The following FRMD5 variants were observed in gnomAD, a reference collection of about 807,000 sequenced individuals.
FRMD5 encodes the protein FERM domain-containing protein 5.
A neutral mutation model predicts 69.0 loss-of-function variants in FRMD5; 20 were observed. The observed-to-expected ratio is 0.29, with a 90% confidence interval of 0.20 to 0.42. FRMD5 has a LOEUF of 0.42. Among genes scored for constraint, FRMD5 ranks in the 10% least tolerant of loss-of-function variants. FRMD5 has a pLI of 1.00. For missense variants in FRMD5, 595 were observed against 708.6 expected, an observed-to-expected ratio of 0.84 and a Z score of 1.82; for synonymous variants, 271 against 260.1, an observed-to-expected ratio of 1.04 and a Z score of -0.40.
chr15:44,020,386 A>G (rs539829733), intron 1 of FRMD5, among the ~76,000 whole-genome samples: 1 of 152,302 alleles, frequency 6.6e-6, no homozygotes, highest in Non-Finnish European at 1.5e-5. Context: ...GAAGTTATAT[A>G]TCTTCATTTG....
intron 13 of FRMD5, chr15:43,879,783 A>G (rs2088472416): frequency 2.5e-6 from 1 of 397,670 alleles, no homozygotes; most frequent in Admixed American, 4.4e-5. Flanking sequence ...AACTAGGAAC[A>G]AAGGATTTCT....
intron 1 of FRMD5, among the ~76,000 whole-genome samples, chr15:43,940,187 C>A (rs1421384543): frequency 6.6e-6 from 1 of 152,108 alleles, no homozygotes; most frequent in African/African-American, 2.4e-5. Flanking sequence ...TCAAAACAAA[C>A]AACAACAACG....
chr15:44,054,341 G>C (rs1206329079), intron 1 of FRMD5, among the ~76,000 whole-genome samples: 1 of 152,138 alleles, frequency 6.6e-6, no homozygotes, highest in Non-Finnish European at 1.5e-5. Flanking sequence ...CCCTGCAATC[G>C]TCCGCTCTCC....
rs182312020 is a variant in FRMD5 at position 43,920,004 on chromosome 15, G to C, written c.208-195C>G. Among the ~76,000 whole-genome samples the C allele has an allele frequency of 2.3e-4, 35 of 152,342 alleles. No homozygotes were observed. In the East Asian group the frequency reaches 2.5e-3, roughly 11 times the overall value. On this transcript the variant is annotated intron_variant, in intron 2 of 13. Transcript: ENST00000417257. ...AGCTCCCATGGAGCCAGCTGTGAAG[G>C]GGGGAATAGTTCCAGCTTCAGATGC... is the stretch of plus-strand genomic sequence containing the variant.
chr15:43,986,443 C>G (rs184209998), intron 1 of FRMD5, among the ~76,000 whole-genome samples: 200 of 152,292 alleles, frequency 1.3e-3, no homozygotes, highest in African/African-American at 4.5e-3. Context: ...ACCAGAGGAA[C>G]TTAGTGAAGG....
chr15:44,165,453 C>G (rs1263487910), intron 1 of FRMD5, among the ~76,000 whole-genome samples: 1 of 152,002 alleles, frequency 6.6e-6, no homozygotes, highest in Non-Finnish European at 1.5e-5. Flanking sequence ...ATAAAATCAA[C>G]CCAAGTTGGG....
intron 1 of FRMD5, among the ~76,000 whole-genome samples, chr15:44,134,474 G>C (rs1331199681): frequency 6.6e-6 from 1 of 151,974 alleles, no homozygotes; most frequent in African/African-American, 2.4e-5. Flanking sequence ...TTTGAGACAG[G>C]GTCTCGCTCT....
chr15:44,048,218 C>G (rs1304304430), intron 1 of FRMD5, among the ~76,000 whole-genome samples: 1 of 152,184 alleles, frequency 6.6e-6, no homozygotes, highest in Non-Finnish European at 1.5e-5. Context: ...CACATCCTCA[C>G]AAGCAAGGCT....
rs1411945203 is a variant in FRMD5, at chr15:43,888,840, T to C, written c.761A>G (p.Lys254Arg). The C allele has an allele frequency of 6.2e-7, 1 of 1,613,944 alleles. No homozygotes were observed. The highest frequency in any genetic ancestry group is 8.5e-7 in the Non-Finnish European group (1 of 1,179,940). Residue 254 changes from lysine to arginine, a missense_variant, in exon 9 of 14, where the codon AAG (lysine) becomes AGG (arginine). This residue lies in a region of FRMD5 where 176 missense variants were observed against 266.3 expected (regional missense o/e 0.66). Transcript: ENST00000417257. Reference sequence around the variant, plus strand: ...CTGACTTACGTATAAATAGAAAGTCTTTCCTTCAAATTTCAGCTTGGTCAC... The same window carrying C: ...CTGACTTACGTATAAATAGAAAGTCCTTCCTTCAAATTTCAGCTTGGTCAC... ...NEVTKLKFEG[K>R]TFYLYVSQKE...
intron 1 of FRMD5, among the ~76,000 whole-genome samples, chr15:44,020,708 T>C (rs1190892716): frequency 6.6e-6 from 1 of 152,238 alleles, no homozygotes; most frequent in African/African-American, 2.4e-5. Flanking sequence ...GTAATAGCTA[T>C]AGAGAATGAA....
At chr15:43,929,045 G>A (rs1215583092) in intron 1 of FRMD5, among the ~76,000 whole-genome samples, 1 of 152,122 alleles carries the variant, frequency 6.6e-6, no homozygotes, top group Non-Finnish European at 1.5e-5. Flanking sequence ...GAAAATACTA[G>A]TGCATATAGG....
Position 43,871,115 on chromosome 15 carries a change from A to G in FRMD5, c.*2770T>C, listed in dbSNP as rs185425596. Reference sequence around the variant, plus strand: ...TTAGAACACAGTATAACCAGGTTAAAAACTTGAACAATTTTTAAAGGTGGA... The same window carrying G: ...TTAGAACACAGTATAACCAGGTTAAGAACTTGAACAATTTTTAAAGGTGGA... On this transcript the variant is annotated 3_prime_UTR_variant, in exon 14 of 14. Coordinates refer to ENST00000417257, the MANE Select transcript of FRMD5 (RefSeq NM_032892.5). The G allele has an allele frequency of 6.6e-6, 1 of 152,354 alleles. No individual in the cohort carries two copies. The highest frequency in any genetic ancestry group is 2.4e-5 in the African/African-American group (1 of 41,582). 9.4% of individuals were successfully genotyped at this position (152,354 alleles called of 1,614,324 possible).
chr15:43,934,270 T>C (rs2089723552), intron 1 of FRMD5, among the ~76,000 whole-genome samples: 1 of 152,004 alleles, frequency 6.6e-6, no homozygotes, highest in Non-Finnish European at 1.5e-5. Context: ...GCGATGGGAG[T>C]AAGAAAAGGC....
chr15:43,895,095 T>C (rs1375643833), intron 7 of FRMD5, among the ~76,000 whole-genome samples: 1 of 152,224 alleles, frequency 6.6e-6, no homozygotes, highest in South Asian at 2.1e-4. Context: ...GTGTTTGTTG[T>C]TAATATTATT....
Position 43,883,748 on chromosome 15 carries a change from C to T in FRMD5, c.1090G>A (p.Val364Ile), listed in dbSNP as rs371269803. 34 of 1,613,728 alleles carry T rather than the reference C, an allele frequency of 2.1e-5. No individual in the cohort carries two copies. The highest frequency in any genetic ancestry group is 1.5e-4 in the African/African-American group (11 of 74,906). ...SITHGPRLSS[V>I]PRTRRRAVHI... is the part of the protein sequence containing the mutation. ...ACAGCTCTTCTGCGGGTCCTGGGGACGCTGCTCAGCCTTGGGCCATGGGTT... is the reference window on the plus strand; with the variant it reads ...ACAGCTCTTCTGCGGGTCCTGGGGATGCTGCTCAGCCTTGGGCCATGGGTT... The change falls in exon 13 of 14, where the codon GTC (valine) becomes ATC (isoleucine). Residue 364 changes from valine to isoleucine, a missense_variant. Physicochemically the swap from Val to Ile is conservative, Grantham distance 29. Around this residue, in one of 5 missense-constraint regions of FRMD5, gnomAD observed 176 missense variants for 266.3 expected, o/e 0.66. Transcript: ENST00000417257.
intron 1 of FRMD5, among the ~76,000 whole-genome samples, chr15:44,172,838 A>T (rs557945677): frequency 6.6e-6 from 1 of 152,374 alleles, no homozygotes; most frequent in Admixed American, 6.5e-5. Context: ...TTAACCAGGA[A>T]GAAAAGGAAA....
chr15:43,939,884 G>C (rs530613534), intron 1 of FRMD5, among the ~76,000 whole-genome samples: 2 of 152,268 alleles, frequency 1.3e-5, no homozygotes, highest in African/African-American at 4.8e-5. Context: ...TCATTTGTCA[G>C]AGATGCTTAG....
intron 1 of FRMD5, among the ~76,000 whole-genome samples, chr15:44,084,412 T>C (rs182044893): frequency 7.2e-4 from 110 of 152,218 alleles, no homozygotes; most frequent in Admixed American, 3.5e-3. Context: ...TTGCTCCTGT[T>C]TGGATACTAT....
At chr15:44,116,939 G>A (rs906006456) in intron 1 of FRMD5, among the ~76,000 whole-genome samples, 4 of 150,542 alleles carry the variant, frequency 2.7e-5, no homozygotes, top group Non-Finnish European at 4.4e-5. Flanking sequence ...AAAATTAACC[G>A]AGCATGGTGG....
Sources: allele counts gnomAD v4.1 joint callset (sites outside exome capture counted in the v4.1 genomes callset), GRCh38; gene constraint gnomAD v4.1.1; regional missense constraint gnomAD v4.1.1; transcripts MANE v1.5; gene names NCBI Gene and HGNC (gene_info 2026-07-23, HGNC 2026-07-21).